Variants in TMTC2 observed in about 807,000 individuals in gnomAD.
TMTC2 encodes the protein transmembrane O-mannosyltransferase targeting cadherins 2.
In TMTC2, 43 loss-of-function variants were observed where a neutral mutation model predicts 82.4. The observed-to-expected ratio is 0.52, with a 90% CI of 0.41 to 0.67. The LOEUF (loss-of-function observed/expected upper bound fraction) is 0.67, where lower values mean the gene tolerates loss of function less well. Ranked by LOEUF, TMTC2 falls within the 30% of genes least tolerant of loss-of-function variation. The pLI is 0.00. For missense variants in TMTC2, 919 were observed against 1,012.4 expected (o/e 0.91, Z 1.25); for synonymous variants, 408 against 381.9 (o/e 1.07, Z -0.80).
chr12:82,987,953 C>G (rs1038675569), intron 8 of TMTC2, among the ~76,000 whole-genome samples: 1 of 152,088 alleles, frequency 6.6e-6, no homozygotes, highest in Non-Finnish European at 1.5e-5. Context: ...ACCTACATGA[C>G]CCTGGAATTC....
intron 1 of TMTC2, among the ~76,000 whole-genome samples, chr12:82,835,825 C>A (rs2137082187): frequency 6.6e-6 from 1 of 152,280 alleles, no homozygotes; most frequent in South Asian, 2.1e-4. Context: ...CCTTGACCCC[C>A]TTATGCCCCC....
chr12:82,731,499 C>T (rs552796904), intron 1 of TMTC2, among the ~76,000 whole-genome samples: 1 of 152,032 alleles, frequency 6.6e-6, no homozygotes, highest in Non-Finnish European at 1.5e-5. Context: ...AAATTTTAGA[C>T]CAGTGGGAAT....
intron 11 of TMTC2, among the ~76,000 whole-genome samples, chr12:83,095,102 G>A (rs1382482380): frequency 6.6e-6 from 1 of 152,158 alleles, no homozygotes; most frequent in Non-Finnish European, 1.5e-5. Flanking sequence ...AATTATTCAA[G>A]AGGTTGGAGA....
chr12:82,966,107 T>G (rs1436026064), intron 6 of TMTC2: 1 of 242,724 alleles, frequency 4.1e-6, no homozygotes, highest in Non-Finnish European at 8.1e-6. Context: ...ACACAGTTTC[T>G]AGAATTGTTA....
intron 8 of TMTC2, among the ~76,000 whole-genome samples, chr12:83,012,576 A>C (rs1237343998): frequency 1.3e-5 from 2 of 152,168 alleles, no homozygotes. Context: ...AGTCCTATGA[A>C]TATAGAAACA....
intron 9 of TMTC2, 60 bp from the exon 10 acceptor site, chr12:83,050,844 C>G (rs1403312731): frequency 1.7e-6 from 2 of 1,165,494 alleles, no homozygotes; most frequent in South Asian, 1.4e-5. Context: ...TCTTTAATAA[C>G]AGCTTTATTG....
chr12:82,963,834 T>TTTCTC (rs1355728001), intron 4 of TMTC2, among the ~76,000 whole-genome samples: 2 of 104,234 alleles, frequency 1.9e-5, no homozygotes, highest in African/African-American at 1.1e-4. Context: ...TATATATATA[T>TTTCTC]ATATATATAT....
chr12:82,718,731 A>G (rs1185415380), intron 1 of TMTC2, among the ~76,000 whole-genome samples: 2 of 152,138 alleles, frequency 1.3e-5, no homozygotes, highest in Non-Finnish European at 1.5e-5. Context: ...CCCATGCCCT[A>G]TTATTTCTGA....
intron 11 of TMTC2, among the ~76,000 whole-genome samples, chr12:83,090,223 T>A (rs1883798224): frequency 6.6e-6 from 1 of 152,320 alleles, no homozygotes; most frequent in African/African-American, 2.4e-5. Context: ...AGTTTGTGTC[T>A]TGAAGACATT....
chr12:83,023,812 G>T (rs1881044104), intron 8 of TMTC2, among the ~76,000 whole-genome samples: 1 of 152,208 alleles, frequency 6.6e-6, no homozygotes, highest in Non-Finnish European at 1.5e-5. Flanking sequence ...TTTTCAATGA[G>T]CTTAAGTCCT....
intron 3 of TMTC2, among the ~76,000 whole-genome samples, chr12:82,898,258 T>C (rs1873782212): frequency 6.6e-6 from 1 of 152,222 alleles, no homozygotes; most frequent in South Asian, 2.1e-4. Flanking sequence ...ACCCAAATCT[T>C]GTAAAAATCA....
At chr12:82,877,916 A>G (rs772022802) in intron 2 of TMTC2, among the ~76,000 whole-genome samples, 5 of 152,198 alleles carry the variant, frequency 3.3e-5, no homozygotes, top group Non-Finnish European at 7.3e-5. Flanking sequence ...GAGAGCTACA[A>G]TATCACCTAG....
chr12:82,910,248 T>C (rs1592620153), intron 3 of TMTC2, among the ~76,000 whole-genome samples: 1 of 152,230 alleles, frequency 6.6e-6, no homozygotes, highest in East Asian at 1.9e-4. Flanking sequence ...TTTTAATTTT[T>C]ATGCATGTGG....
intron 1 of TMTC2, among the ~76,000 whole-genome samples, chr12:82,700,825 T>C (rs1218220312): frequency 6.6e-6 from 1 of 152,244 alleles, no homozygotes; most frequent in East Asian, 1.9e-4. Context: ...GAGTATCTTA[T>C]AAAGAAAAAG....
At chr12:83,030,735 C>A in intron 8 of TMTC2, 63 bp from the exon 9 acceptor site, 2 of 1,300,732 alleles carry the variant, frequency 1.5e-6, no homozygotes, top group South Asian at 1.2e-5. Flanking sequence ...TTCAGTTAGG[C>A]CCAGGCAGTG....
At chr12:82,783,339 G>C (rs1320293850) in intron 1 of TMTC2, among the ~76,000 whole-genome samples, 2 of 141,772 alleles carry the variant, frequency 1.4e-5, no homozygotes. Flanking sequence ...AGAGGGGTGG[G>C]GGTGGCAGAC....
At chr12:82,791,548 G>T (rs1210207646) in intron 1 of TMTC2, among the ~76,000 whole-genome samples, 1 of 152,056 alleles carries the variant, frequency 6.6e-6, no homozygotes, top group Non-Finnish European at 1.5e-5. Context: ...GAAGGGAAGG[G>T]ATTTAGTAAC....
intron 1 of TMTC2, among the ~76,000 whole-genome samples, chr12:82,720,272 A>G (rs959937810): frequency 6.6e-6 from 1 of 152,112 alleles, no homozygotes; most frequent in African/African-American, 2.4e-5. Flanking sequence ...TATACTGTCT[A>G]TATAAGTTTG....
At chr12:83,015,826 A>G (rs1880653018) in intron 8 of TMTC2, among the ~76,000 whole-genome samples, 2 of 152,170 alleles carry the variant, frequency 1.3e-5, no homozygotes. Context: ...GTCCGGCGAT[A>G]CGCTTGTCGC....
Sources: allele counts gnomAD v4.1 joint callset (sites outside exome capture counted in the v4.1 genomes callset), GRCh38; gene constraint gnomAD v4.1.1; transcripts MANE v1.5; gene names NCBI Gene and HGNC (gene_info 2026-07-23, HGNC 2026-07-21).